ZNF385D: variants seen among roughly 807,000 people sequenced by gnomAD.
ZNF385D encodes the protein zinc finger protein 385D, also known as zinc finger protein 659.
Under a neutral mutation model 35.8 loss-of-function variants are expected in ZNF385D, and 15 were observed. The observed-to-expected ratio is 0.42, with a 90% CI of 0.28 to 0.64. The LOEUF (loss-of-function observed/expected upper bound fraction) is 0.64, where lower values mean the gene tolerates loss of function less well. Ranked by LOEUF, ZNF385D falls within the 30% of genes least tolerant of loss-of-function variation. The pLI, the probability that ZNF385D is intolerant of heterozygous loss-of-function variation, is 0.23. For synonymous variants in ZNF385D, 212 were observed against 186.8 expected, an observed-to-expected ratio of 1.13 and a Z score of -1.10; for missense variants, 474 against 494.6, an observed-to-expected ratio of 0.96 and a Z score of 0.39.
At chr3:22,345,204 G>A (rs1278480982) in intron 2 of ZNF385D, among the ~76,000 whole-genome samples, 1 of 151,828 alleles carries the variant, frequency 6.6e-6, no homozygotes, top group East Asian at 1.9e-4. Flanking sequence ...CTGCCTTTAT[G>A]GTAGTTCTCT....
At chr3:21,790,957 G>A (rs1310703617) in intron 3 of ZNF385D, among the ~76,000 whole-genome samples, 1 of 151,934 alleles carries the variant, frequency 6.6e-6, no homozygotes, top group Admixed American at 6.6e-5. Flanking sequence ...CAAGGGGTAA[G>A]GAAACAAAAA....
chr3:22,120,759 A>G (rs552208068), intron 3 of ZNF385D, among the ~76,000 whole-genome samples: 1 of 152,316 alleles, frequency 6.6e-6, no homozygotes, highest in East Asian at 1.9e-4. Context: ...TCTATGAGGC[A>G]GTTCTTGAGA....
chr3:21,896,700 C>T (rs575884921), intron 3 of ZNF385D, among the ~76,000 whole-genome samples: 5 of 152,192 alleles, frequency 3.3e-5, no homozygotes, highest in South Asian at 2.1e-4. Context: ...ATATGAGAGA[C>T]GCAGTAGTTC....
At chr3:22,344,864 A>T (rs1320246821) in intron 2 of ZNF385D, among the ~76,000 whole-genome samples, 2 of 152,192 alleles carry the variant, frequency 1.3e-5, no homozygotes, top group Non-Finnish European at 2.9e-5. Flanking sequence ...TTCACCAACT[A>T]AACTATTTAA....
intron 3 of ZNF385D, among the ~76,000 whole-genome samples, chr3:21,991,923 G>T (rs1174226491): frequency 6.6e-6 from 1 of 152,146 alleles, no homozygotes; most frequent in African/African-American, 2.4e-5. Flanking sequence ...ACAGTATTTT[G>T]ATGAATTATG....
chr3:22,266,136 GT>G (rs541890745), intron 2 of ZNF385D, among the ~76,000 whole-genome samples: 141 of 151,944 alleles, frequency 9.3e-4, no homozygotes, highest in Non-Finnish European at 1.6e-3. Flanking sequence ...TATTATCATA[GT>G]TCTACAATTT....
At chr3:22,150,364 C>T (rs1705144743) in intron 3 of ZNF385D, among the ~76,000 whole-genome samples, 2 of 151,872 alleles carry the variant, frequency 1.3e-5, no homozygotes, top group Admixed American at 1.3e-4. Flanking sequence ...TATAAACATT[C>T]TTCAGTGAGA....
At chr3:21,897,321 T>C (rs1699188742) in intron 3 of ZNF385D, among the ~76,000 whole-genome samples, 3 of 152,260 alleles carry the variant, frequency 2.0e-5, no homozygotes, top group South Asian at 4.1e-4. Flanking sequence ...TACTAAGAAC[T>C]ATATAGTAAG....
At chr3:22,163,979 C>G (rs1250470794) in intron 3 of ZNF385D, among the ~76,000 whole-genome samples, 1 of 152,128 alleles carries the variant, frequency 6.6e-6, no homozygotes, top group Non-Finnish European at 1.5e-5. Context: ...TGTAGGTAAA[C>G]AAATGACCAC....
At chr3:22,213,105 C>T (rs1697632593) in intron 2 of ZNF385D, among the ~76,000 whole-genome samples, 1 of 151,894 alleles carries the variant, frequency 6.6e-6, no homozygotes, top group Non-Finnish European at 1.5e-5. Flanking sequence ...ATTAAAAGGA[C>T]ATTTTTTCAA....
At chr3:21,949,667 A>G (rs1701969528) in intron 3 of ZNF385D, among the ~76,000 whole-genome samples, 1 of 150,952 alleles carries the variant, frequency 6.6e-6, no homozygotes, top group Non-Finnish European at 1.5e-5. Context: ...TCAACCCATC[A>G]TCTACATTAG....
At chr3:21,891,437 C>T (rs1039557288) in intron 3 of ZNF385D, among the ~76,000 whole-genome samples, 6 of 152,142 alleles carry the variant, frequency 3.9e-5, no homozygotes, top group Admixed American at 2.0e-4. Flanking sequence ...TTTTCAACCC[C>T]TTATCCTGTT....
At chr3:22,282,891 T>C (rs1299377181) in intron 2 of ZNF385D, among the ~76,000 whole-genome samples, 1 of 152,078 alleles carries the variant, frequency 6.6e-6, no homozygotes, top group East Asian at 1.9e-4. Context: ...AGACACAGAA[T>C]GGCAGAATGG....
At chr3:21,752,368 T>C (rs952448354), upstream of ZNF385D, among the ~76,000 whole-genome samples, 1 of 152,222 alleles carries the variant, frequency 6.6e-6, no homozygotes, top group Non-Finnish European at 1.5e-5. Flanking sequence ...ATGCAATTGA[T>C]ATATTTTTAA....
At chr3:21,428,992 A>ATTTTTTTTTTTTTTTTTT (rs1553630194) in intron 5 of ZNF385D, among the ~76,000 whole-genome samples, 1 of 133,966 alleles carries the variant, frequency 7.5e-6, no homozygotes, top group African/African-American at 2.8e-5. Context: ...GGAAAGATAC[A>ATTTTTTTTTTTTTTTTTT]TATTACGCTT....
At chr3:22,129,748 G>A (rs1703663465) in intron 3 of ZNF385D, among the ~76,000 whole-genome samples, 1 of 152,140 alleles carries the variant, frequency 6.6e-6, no homozygotes, top group South Asian at 2.1e-4. Flanking sequence ...GGCCCAAGGT[G>A]GGCCTAAAAA....
rs886142112 is a variant in ZNF385D at position 21,412,554 on chromosome 3, G to A, written c.*8660C>T. ...ACCATTTTGATTCCACAAACCAAGC[G>A]AAGAATAAGGACATGAACAGACCAA... On this transcript the variant is annotated 3_prime_UTR_variant, in exon 8 of 8. Transcript: ENST00000281523. 3 of 151,992 alleles carry A rather than the reference G, an allele frequency of 2.0e-5. No homozygotes were observed. The highest frequency in any genetic ancestry group is 4.8e-5 in the African/African-American group (2 of 41,392). 9.4% of individuals were successfully genotyped at this position (151,992 alleles called of 1,614,324 possible). A position where few individuals can be genotyped will look rare whatever the true frequency, so the allele number is the denominator to read the frequency against.
chr3:21,596,379 A>G (rs573851798), intron 2 of ZNF385D, among the ~76,000 whole-genome samples: 25 of 152,308 alleles, frequency 1.6e-4, no homozygotes, highest in African/African-American at 6.0e-4. Flanking sequence ...ACTGTTCTTC[A>G]GAGATTCCGA....
rs774302424 is a variant in ZNF385D at position 21,414,698 on chromosome 3, G to A, written c.*6516C>T. ...TTCCTCGTAGATGATTGGTAGTGAAGCCAACAACTGTGTTCACTGTTCTGT... is the reference window on the plus strand; with the variant it reads ...TTCCTCGTAGATGATTGGTAGTGAAACCAACAACTGTGTTCACTGTTCTGT... On this transcript the variant is annotated 3_prime_UTR_variant, in exon 8 of 8. Coordinates refer to ENST00000281523, the MANE Select transcript of ZNF385D (RefSeq NM_024697.3). 2.0e-5 allele frequency: 3 copies of A among 152,078 alleles called. No individual in the cohort carries two copies. Among genetic ancestry groups the A allele is most frequent in the Admixed American group, 6.6e-5 (1 of 15,262 alleles). The allele number at this position is 152,078 out of a possible 1,614,324, so 9.4% of individuals were successfully genotyped here.
Sources: allele counts gnomAD v4.1 joint callset (sites outside exome capture counted in the v4.1 genomes callset), GRCh38; gene constraint gnomAD v4.1.1; transcripts MANE v1.5; gene names NCBI Gene and HGNC (gene_info 2026-07-23, HGNC 2026-07-21).